PSIP1: variants seen among roughly 807,000 people sequenced by gnomAD.
The protein encoded by PSIP1 is PC4 and SFRS1-interacting protein.
Under a neutral mutation model 74.7 loss-of-function variants are expected in PSIP1, and 19 were observed. That is an observed-to-expected ratio of 0.25 (90% CI 0.18 to 0.37). The LOEUF (loss-of-function observed/expected upper bound fraction) is 0.37. Among genes scored for constraint, PSIP1 ranks in the 10% least tolerant of loss-of-function variants. The pLI is 1.00. For synonymous variants in PSIP1, 222 were observed against 195.3 expected (o/e 1.14, Z -1.14); for missense variants, 601 against 614.3 (o/e 0.98, Z 0.23).
chr9:15,485,073 T>C (rs2036502323), intron 6 of PSIP1, among the ~76,000 whole-genome samples: 1 of 152,178 alleles, frequency 6.6e-6, no homozygotes, highest in Admixed American at 6.5e-5. Context: ...TGTGACAGCA[T>C]GAGACCCCAT....
intron 14 of PSIP1, among the ~76,000 whole-genome samples, chr9:15,467,174 GAAT>G (rs543286122): frequency 9.2e-5 from 14 of 152,256 alleles, no homozygotes; most frequent in African/African-American, 3.4e-4. Flanking sequence ...CTATTACCAG[GAAT>G]ACTACAGGGT....
chr9:15,494,942 G>A (rs1003447437), intron 3 of PSIP1, among the ~76,000 whole-genome samples: 5 of 152,074 alleles, frequency 3.3e-5, no homozygotes, highest in Non-Finnish European at 5.9e-5. Context: ...CCATGAAAAC[G>A]TATTTCTGGT....
intron 3 of PSIP1, among the ~76,000 whole-genome samples, chr9:15,490,961 A>G (rs990131303): frequency 6.6e-6 from 1 of 152,208 alleles, no homozygotes; most frequent in Non-Finnish European, 1.5e-5. Context: ...TGTGGTAGTA[A>G]TGTTCTATAA....
At chr9:15,468,242 CTG>C in intron 14 of PSIP1, 2 of 440,264 alleles carry the variant, frequency 4.5e-6, no homozygotes, top group South Asian at 1.6e-5. Flanking sequence ...ACCTATGAGG[CTG>C]TGTTTTAATT....
At chr9:15,479,910 A>G (rs2036262605) in intron 6 of PSIP1, among the ~76,000 whole-genome samples, 1 of 152,194 alleles carries the variant, frequency 6.6e-6, no homozygotes, top group Admixed American at 6.5e-5. Context: ...ATTTCTTAGA[A>G]ATGAAGTCAT....
rs146916016 is a variant in PSIP1, at chr9:15,483,404, A to T, written c.456+2602T>A. On this transcript the variant is annotated intron_variant, in intron 6 of 15. Coordinates refer to ENST00000380733, the MANE Select transcript of PSIP1 (RefSeq NM_033222.5). Reference sequence around the variant, plus strand: ...ATCAACCATCAACTTAACCTCTTAAAGTGCTCTTAAATCCCATCTCTCGTC... The same window carrying T: ...ATCAACCATCAACTTAACCTCTTAATGTGCTCTTAAATCCCATCTCTCGTC... Among the ~76,000 whole-genome samples, 5 of 150,850 alleles carry T rather than the reference A, an allele frequency of 3.3e-5. No homozygotes were observed. The East Asian group carries it at 7.9e-4, about 24-fold the overall frequency.
In PSIP1 at chr9:15,465,622, C is replaced by A. The variant is rs373898914; in HGVS notation, c.1533-42G>T. On this transcript the variant is annotated intron_variant, in intron 15 of 15. Transcript: ENST00000380733. ...AAGGTACAACTGGAATTAGGATTTT[C>A]TCCTGATGAAGGAAAAAAAGACATT... 21 of 1,467,984 alleles carry A rather than the reference C, an allele frequency of 1.4e-5. No individual in the cohort carries two copies. In the African/African-American group the frequency reaches 2.7e-4, roughly 19 times the overall value. 90.9% of individuals were successfully genotyped at this position (1,467,984 alleles called of 1,614,324 possible). A position where few individuals can be genotyped will look rare whatever the true frequency, so the allele number is the denominator to read the frequency against.
chr9:15,501,868 A>ATATATATATATATATAT (rs1563897855), intron 3 of PSIP1, among the ~76,000 whole-genome samples: 2 of 110,454 alleles, frequency 1.8e-5, no homozygotes, highest in African/African-American at 1.1e-4. Context: ...TATATATATA[A>ATATATATATATATATAT]AACGCACACC....
rs779565346 is a variant in PSIP1 at position 15,486,935 on chromosome 9, T to C, written c.289-4A>G. The C allele has an allele frequency of 1.9e-6, 3 of 1,572,716 alleles. No individual in the cohort carries two copies. In the South Asian group the frequency reaches 3.4e-5, roughly 18 times the overall value. ...CATTTGATTGTTTAGTTGCTGCCTG[T>C]GAGCAATCAACTCTATTAATTTCAA... On this transcript the variant is annotated splice_polypyrimidine_tract_variant and splice_region_variant and intron_variant, in intron 4 of 15. Transcript: ENST00000380733.
intron 7 of PSIP1, 120 bp downstream of exon 7, chr9:15,479,469 GTA>G: frequency 3.2e-6 from 2 of 628,088 alleles, no homozygotes; most frequent in Middle Eastern, 8.9e-4. Flanking sequence ...TTTGAAATCT[GTA>G]TGTTACACAT....
intron 8 of PSIP1, among the ~76,000 whole-genome samples, chr9:15,478,264 T>C (rs372961815): frequency 5.9e-5 from 9 of 152,120 alleles, no homozygotes; most frequent in Middle Eastern, 3.4e-3. Flanking sequence ...TAAATTGATA[T>C]ACCCAAGAGT....
chr9:15,482,803 G>C (rs1424506749), intron 6 of PSIP1, among the ~76,000 whole-genome samples: 3 of 152,130 alleles, frequency 2.0e-5, no homozygotes, highest in African/African-American at 7.2e-5. Flanking sequence ...AAAAAGCACA[G>C]TGTAACTTTA....
chr9:15,466,957 T>TC, intron 14 of PSIP1, 98 bp from the exon 15 acceptor site: 1 of 838,968 alleles, frequency 1.2e-6, no homozygotes, highest in South Asian at 1.5e-5. Flanking sequence ...AACATGGCCA[T>TC]CGTGTTTCTA....
chr9:15,469,241 GTAT>G (rs1317229361), intron 12 of PSIP1, 22 bp downstream of exon 12: 6 of 1,427,282 alleles, frequency 4.2e-6, no homozygotes, highest in Non-Finnish European at 5.8e-6. Context: ...CAGTACTGAA[GTAT>G]TAAATGAAGT....
At chr9:15,507,148 C>G (rs1341902004) in intron 2 of PSIP1, among the ~76,000 whole-genome samples, 19 of 152,200 alleles carry the variant, frequency 1.2e-4, no homozygotes, top group Admixed American at 1.2e-3. Context: ...GTCTGAAAAA[C>G]TTACTATGAA....
chr9:15,507,107 T>C (rs569590036), intron 2 of PSIP1, among the ~76,000 whole-genome samples: 38 of 152,284 alleles, frequency 2.5e-4, no homozygotes, highest in African/African-American at 7.7e-4. Flanking sequence ...AAAGCAGACA[T>C]TGACAAAAGT....
intron 3 of PSIP1, among the ~76,000 whole-genome samples, chr9:15,491,606 A>C (rs1179762907): frequency 6.6e-6 from 1 of 152,256 alleles, no homozygotes; most frequent in Non-Finnish European, 1.5e-5. Flanking sequence ...TGTCCCAATA[A>C]GTCCACTGTA....
Position 15,468,700 on chromosome 9 carries a change from A to G in PSIP1, c.1350T>C (p.His450=). The change falls in exon 14 of 16, where the codon CAT becomes CAC. Residue 450 remains histidine (H), a synonymous_variant. Coordinates refer to ENST00000380733, the MANE Select transcript of PSIP1 (RefSeq NM_033222.5). ...GATCTTTGGTTTTATTCGCTTCCTC[A>G]TGCTGTCTTTGTTCAGCAAGAGATT... ...LNKSLAEQRQ[H]EEANKTKDQG... is the part of the protein sequence containing the mutation. The G allele has an allele frequency of 6.2e-7, 1 of 1,614,020 alleles. No individual in the cohort carries two copies. Among genetic ancestry groups the G allele is most frequent in the Non-Finnish European group, 8.5e-7 (1 of 1,179,992 alleles).
intron 5 of PSIP1, 30 bp from the exon 6 acceptor site, chr9:15,486,098 G>C: frequency 6.6e-7 from 1 of 1,503,954 alleles, no homozygotes; most frequent in Non-Finnish European, 9.1e-7. Context: ...ACTGAATACT[G>C]AATAAATTAT....
Sources: gnomAD v4.1 joint callset for allele counts (sites outside exome capture counted in the v4.1 genomes callset) on GRCh38, gnomAD v4.1.1 for gene constraint, MANE v1.5 for transcripts, NCBI Gene and HGNC (gene_info 2026-07-23, HGNC 2026-07-21) for gene names.